The following MYH14 variants were observed in gnomAD, a reference collection of about 807,000 sequenced individuals.
MYH14 encodes the protein myosin-14.
Under a neutral mutation model 255.5 loss-of-function variants are expected in MYH14, and 123 were observed. The observed-to-expected ratio is 0.48, with a 90% CI of 0.42 to 0.56. The LOEUF is 0.56. Among genes scored for constraint, MYH14 ranks in the 20% least tolerant of loss-of-function variants. The pLI, the probability that MYH14 is intolerant of heterozygous loss-of-function variation, is 0.00. For missense variants in MYH14, 2,423 were observed against 2,802.3 expected, an observed-to-expected ratio of 0.86 and a Z score of 3.06; for synonymous variants, 1,095 against 1,161.2, an observed-to-expected ratio of 0.94 and a Z score of 1.16.
At chr19:50,272,472 T>C in intron 26 of MYH14, 88 bp from the exon 27 acceptor site, 1 of 1,387,820 alleles carries the variant, frequency 7.2e-7, no homozygotes, top group South Asian at 1.2e-5. Flanking sequence ...CTTAGCCTTA[T>C]ATGTGACTGG....
At chr19:50,297,541 A>G (rs1421130213) in intron 39 of MYH14, among the ~76,000 whole-genome samples, 2 of 113,114 alleles carry the variant, frequency 1.8e-5, no homozygotes, top group African/African-American at 3.4e-5. Flanking sequence ...CTTGTCGCCT[A>G]GGCTGGAGTG....
At chr19:50,239,962 A>G (rs1033708424) in intron 10 of MYH14, among the ~76,000 whole-genome samples, 3 of 152,154 alleles carry the variant, frequency 2.0e-5, no homozygotes, top group Non-Finnish European at 2.9e-5. Context: ...AACACCCTGT[A>G]TATCCAGCAC....
intron 15 of MYH14, among the ~76,000 whole-genome samples, chr19:50,251,569 C>T (rs867307061): frequency 0.021 from 2,553 of 121,030 alleles, 86 homozygotes; most frequent in African/African-American, 0.076. Flanking sequence ...CACACACACA[C>T]ATATATATAT....
At chr19:50,297,690 G>A (rs1180405236) in intron 39 of MYH14, among the ~76,000 whole-genome samples, 1 of 151,154 alleles carries the variant, frequency 6.6e-6, no homozygotes, top group African/African-American at 2.4e-5. Context: ...AGTAGTGATG[G>A]CATTTCACCA....
At chr19:50,206,048 G>A (rs1205521329) in intron 1 of MYH14, among the ~76,000 whole-genome samples, 1 of 152,196 alleles carries the variant, frequency 6.6e-6, no homozygotes, top group Non-Finnish European at 1.5e-5. Flanking sequence ...GTTCCTGCTG[G>A]TTGAGGAAGG....
Position 50,205,982 on chromosome 19 carries a change from C to G in MYH14, c.-4+2311C>G, listed in dbSNP as rs532265255. 1.7e-4 allele frequency among the ~76,000 whole-genome samples: 26 copies of G among 152,320 alleles called. 1 individual carries two copies. The East Asian group carries it at 4.5e-3, about 26-fold the overall frequency. On this transcript the variant is annotated intron_variant, in intron 1 of 42. Coordinates refer to ENST00000642316, the MANE Select transcript of MYH14 (RefSeq NM_001145809.2). ...TTTTCAAGCCCAGCAGTCTCGGCCC[C>G]TCCCAGGGCAGGTGCTTTCACCTGC...
In MYH14 at chr19:50,272,549, C is replaced by T. The variant is rs576380443; in HGVS notation, c.3296-11C>T. The stretch of plus-strand genomic sequence containing the variant: ...GGAGTCCTCATGCACGGCCCCCACC[C>T]CTGCCTCCAGACCGCCTACGGAAGG... On this transcript the variant is annotated splice_polypyrimidine_tract_variant and intron_variant, in intron 26 of 42. Coordinates refer to ENST00000642316, the MANE Select transcript of MYH14 (RefSeq NM_001145809.2). 4.5e-6 allele frequency: 7 copies of T among 1,560,824 alleles called. No homozygotes were observed. The Admixed American group carries it at 1.2e-4, about 26-fold the overall frequency.
chr19:50,276,004 G>T lies in MYH14; in HGVS notation c.3481G>T (p.Gly1161Cys). The change falls in exon 28 of 43, where the codon GGT (glycine) becomes TGT (cysteine). Residue 1161 changes from glycine (G) to cysteine (C), a missense_variant. Gly to Cys is a radical substitution (Grantham distance 159). This residue lies in a region of MYH14 where 1,513 missense variants were observed against 1,674.8 expected (regional missense o/e 0.90). Coordinates refer to ENST00000642316, the MANE Select transcript of MYH14 (RefSeq NM_001145809.2). This position sits in a 1 kb window ranked among gnomAD's most constrained non-coding sequence, Gnocchi z 4.3. ...QAALARAEDE[G>C]GARAQLLKSL... ...TGTCACCCCCAGGGCAGAAGACGAG[G>T]GTGGGGCCCGGGCCCAGCTGCTGAA... The T allele has an allele frequency of 1.2e-6, 2 of 1,612,652 alleles. No individual in the cohort carries two copies. Among genetic ancestry groups the T allele is most frequent in the Non-Finnish European group, 1.7e-6 (2 of 1,179,528 alleles).
At position 50,289,664 on chromosome 19, in the gene MYH14, A is replaced by G; in HGVS notation, c.4965+16A>G. 2 of 1,595,810 alleles carry G rather than the reference A, an allele frequency of 1.3e-6. No homozygotes were observed. The highest frequency in any genetic ancestry group is 1.7e-6 in the Non-Finnish European group (2 of 1,172,364). On this transcript the variant is annotated intron_variant, in intron 35 of 42. Coordinates refer to ENST00000642316, the MANE Select transcript of MYH14 (RefSeq NM_001145809.2). ...GGCCAAGCAGGTATTGTCACACAGA[A>G]GGCCACAGGGTGCCAGTCCAGCTGG...
intron 10 of MYH14, among the ~76,000 whole-genome samples, chr19:50,232,603 A>AC (rs1417961006): frequency 1.3e-5 from 2 of 151,046 alleles, no homozygotes; most frequent in African/African-American, 4.9e-5. Flanking sequence ...CAAAAAAAAA[A>AC]AAAAAAAAAA....
At chr19:50,247,439 G>A (rs935041364) in intron 12 of MYH14, among the ~76,000 whole-genome samples, 1 of 151,868 alleles carries the variant, frequency 6.6e-6, no homozygotes. Context: ...GGGAGTTTGA[G>A]GCTGCAGCGA....
Position 50,250,115 on chromosome 19 carries a change from T to C in MYH14, c.1656+292T>C, listed in dbSNP as rs2034308358. ...TTTGTTTTGTTTTGTTTTGTTTTTT[T>C]CTTGAGACGGAGTCTCGCTCTATCG... On this transcript the variant is annotated intron_variant, in intron 14 of 42. Coordinates refer to ENST00000642316, the MANE Select transcript of MYH14 (RefSeq NM_001145809.2). The surrounding 1 kb of genome is among the most constrained non-coding windows in gnomAD (Gnocchi z 5.4). Among the ~76,000 whole-genome samples the C allele has an allele frequency of 6.6e-6, 1 of 152,060 alleles. No individual in the cohort carries two copies. Among genetic ancestry groups the C allele is most frequent in the Non-Finnish European group, 1.5e-5 (1 of 68,046 alleles).
intron 17 of MYH14, among the ~76,000 whole-genome samples, chr19:50,256,373 A>C (rs2034591566): frequency 6.6e-6 from 1 of 152,180 alleles, no homozygotes; most frequent in South Asian, 2.1e-4. Context: ...CACTAGAGAA[A>C]ATAGAATCTT....
chr19:50,308,928 C>T (rs1344753463), intron 41 of MYH14, 77 bp from the exon 42 acceptor site: 4 of 1,373,698 alleles, frequency 2.9e-6, no homozygotes, highest in East Asian at 2.5e-5. Flanking sequence ...AGGGATGGGG[C>T]AGTAGTGGGC....
chr19:50,259,084 A>G (rs2034715860), intron 18 of MYH14, 60 bp from the exon 19 acceptor site: 1 of 1,522,006 alleles, frequency 6.6e-7, no homozygotes, highest in Non-Finnish European at 8.8e-7. Flanking sequence ...GCCAAGCTTG[A>G]CCGTTTGGCG....
chr19:50,286,407 T>C, intron 33 of MYH14, 75 bp from the exon 34 acceptor site: 1 of 1,359,156 alleles, frequency 7.4e-7, no homozygotes, highest in Non-Finnish European at 1.0e-6. Flanking sequence ...TCCTGGCTGC[T>C]CCCTCTTCCC....
At chr19:50,270,986 G>A (rs2035278321) in intron 24 of MYH14, among the ~76,000 whole-genome samples, 1 of 152,194 alleles carries the variant, frequency 6.6e-6, no homozygotes, top group African/African-American at 2.4e-5. Flanking sequence ...GAGCCACTGC[G>A]CCTGACCTAT....
intron 19 of MYH14, among the ~76,000 whole-genome samples, chr19:50,260,029 C>G (rs964027454): frequency 1.3e-5 from 2 of 152,148 alleles, no homozygotes; most frequent in African/African-American, 4.8e-5. Flanking sequence ...GAATGGGAAG[C>G]CTTGTACACA....
intron 10 of MYH14, among the ~76,000 whole-genome samples, chr19:50,232,412 T>C (rs2033443665): frequency 6.8e-6 from 1 of 147,520 alleles, no homozygotes; most frequent in Admixed American, 6.9e-5. Flanking sequence ...GCCAATATGG[T>C]GAAACACCGT....
Sources: gnomAD v4.1 joint callset for allele counts (sites outside exome capture counted in the v4.1 genomes callset) on GRCh38, gnomAD v4.1.1 for gene constraint, gnomAD v4.1.1 regional missense constraint, Gnocchi (gnomAD v3.1) non-coding constraint, MANE v1.5 for transcripts, NCBI Gene and HGNC (gene_info 2026-07-23, HGNC 2026-07-21) for gene names.